MRPS27: variants seen among roughly 807,000 people sequenced by gnomAD.
MRPS27 encodes small ribosomal subunit protein mS27.
In MRPS27, 43 loss-of-function variants were observed where a neutral mutation model predicts 48.9. The ratio of observed to expected loss-of-function variants is 0.88; its 90% CI spans 0.69 to 1.13. The LOEUF is 1.13. Ranked by LOEUF, MRPS27 falls within the 50% of genes most tolerant of loss-of-function variation. The pLI is 0.00. For missense variants in MRPS27, 467 were observed against 476.3 expected, an observed-to-expected ratio of 0.98 and a Z score of 0.18; for synonymous variants, 188 against 171.9, an observed-to-expected ratio of 1.09 and a Z score of -0.73.
intron 2 of MRPS27, among the ~76,000 whole-genome samples, chr5:72,298,272 A>G (rs2112066936): frequency 6.6e-6 from 1 of 152,288 alleles, no homozygotes; most frequent in African/African-American, 2.4e-5. Flanking sequence ...CCAACATAGG[A>G]AAAAAATGCT....
chr5:72,242,307 T>C (rs1748372683), intron 4 of MRPS27, among the ~76,000 whole-genome samples: 1 of 151,674 alleles, frequency 6.6e-6, no homozygotes, highest in African/African-American at 2.4e-5. Flanking sequence ...TCAAGACTGA[T>C]GTTACCAGGA....
In MRPS27 at chr5:72,226,174, T is replaced by C. The variant is rs375891384; in HGVS notation, c.720A>G (p.Leu240=). 1 of 1,613,668 alleles carries C rather than the reference T, an allele frequency of 6.2e-7. No homozygotes were observed. Among genetic ancestry groups the C allele is most frequent in the Non-Finnish European group, 8.5e-7 (1 of 1,179,786 alleles). The change falls in exon 9 of 11, where the codon CTA becomes CTG. Residue 240 remains leucine (L), a synonymous_variant. Coordinates refer to ENST00000261413, the MANE Select transcript of MRPS27 (RefSeq NM_015084.3). ...LLGKVELQQG[L]RAVYHNMPLI... ...GAGGCATGTTGTGGTACACAGCCCGTAGCCCTTGCTGCAACTCCACCTTCC... is the reference window on the plus strand; with the variant it reads ...GAGGCATGTTGTGGTACACAGCCCGCAGCCCTTGCTGCAACTCCACCTTCC...
chr5:72,242,665 T>TACACACACACAC (rs57589095), intron 4 of MRPS27, among the ~76,000 whole-genome samples: 1,552 of 134,238 alleles, frequency 0.012, 36 homozygotes, highest in African/African-American at 0.037. Flanking sequence ...AGACCCCGTC[T>TACACACACACAC]ACACACACAC....
intron 4 of MRPS27, among the ~76,000 whole-genome samples, chr5:72,243,039 G>A (rs983477497): frequency 2.6e-5 from 4 of 152,154 alleles, no homozygotes; most frequent in Non-Finnish European, 5.9e-5. Flanking sequence ...CTTTCCCTCC[G>A]CCCCAGTGAA....
intron 4 of MRPS27, among the ~76,000 whole-genome samples, chr5:72,274,280 A>C (rs1370265167): frequency 6.6e-6 from 1 of 152,164 alleles, no homozygotes; most frequent in Non-Finnish European, 1.5e-5. Context: ...CTTGAACCCA[A>C]GAGGCAGAGG....
chr5:72,317,509 A>G (rs1055577172), intron 1 of MRPS27, among the ~76,000 whole-genome samples: 1 of 151,540 alleles, frequency 6.6e-6, no homozygotes, highest in African/African-American at 2.4e-5. Flanking sequence ...CAGCCTCCTG[A>G]GTAGCTGGGA....
At chr5:72,223,916 G>C (rs1335075084) in intron 9 of MRPS27, 66 bp from the exon 10 acceptor site, 1 of 1,501,370 alleles carries the variant, frequency 6.7e-7, no homozygotes, top group African/African-American at 1.4e-5. Context: ...GTGAAGAAAG[G>C]CTAGAGAAGG....
At chr5:72,311,451 C>T (rs1025478217) in intron 2 of MRPS27, among the ~76,000 whole-genome samples, 3 of 152,134 alleles carry the variant, frequency 2.0e-5, no homozygotes, top group African/African-American at 7.2e-5. Flanking sequence ...AATTTAATCC[C>T]CAGTGTAACA....
At chr5:72,256,361 G>A (rs1011657106) in intron 4 of MRPS27, among the ~76,000 whole-genome samples, 6 of 152,120 alleles carry the variant, frequency 3.9e-5, no homozygotes, top group East Asian at 1.9e-4. Context: ...AAAAGAATGC[G>A]TAAAATAAAA....
At chr5:72,317,030 A>T (rs1750583109) in intron 1 of MRPS27, among the ~76,000 whole-genome samples, 1 of 141,076 alleles carries the variant, frequency 7.1e-6, no homozygotes, top group Admixed American at 7.1e-5. Flanking sequence ...ACTCCGTCTC[A>T]AAAAAAAAAA....
At chr5:72,299,179 A>G (rs559621719) in intron 2 of MRPS27, among the ~76,000 whole-genome samples, 2 of 152,262 alleles carry the variant, frequency 1.3e-5, no homozygotes, top group Admixed American at 1.3e-4. Flanking sequence ...TACCTGGATG[A>G]TGGAATCACT....
chr5:72,259,859 ATTGT>A (rs1418077227), intron 4 of MRPS27, among the ~76,000 whole-genome samples: 2 of 152,150 alleles, frequency 1.3e-5, no homozygotes, highest in East Asian at 3.9e-4. Context: ...GAAAATAGGT[ATTGT>A]TTAATTTTAA....
In MRPS27 at chr5:72,268,973, A is replaced by G. The variant is rs1053844844; in HGVS notation, c.281+26558T>C. Among the ~76,000 whole-genome samples the G allele has an allele frequency of 4.6e-5, 7 of 152,210 alleles. 1 individual carries two copies. Among genetic ancestry groups the G allele is most frequent in the Admixed American group, 1.3e-4 (2 of 15,282 alleles). On this transcript the variant is annotated intron_variant, in intron 4 of 10. Transcript: ENST00000261413. ...TCCACTTAAGGAAGCCCATTACTGA[A>G]TGATGTAAACTAGTCAGTTCTGGGG...
At chr5:72,307,867 T>C (rs577782330) in intron 2 of MRPS27, 2 of 152,276 alleles carry the variant, frequency 1.3e-5, no homozygotes, top group Non-Finnish European at 2.9e-5. Flanking sequence ...TATACTCCAA[T>C]AAAAAAGTAT....
intron 2 of MRPS27, among the ~76,000 whole-genome samples, chr5:72,312,724 G>A (rs1377907978): frequency 1.3e-5 from 2 of 151,136 alleles, no homozygotes; most frequent in Non-Finnish European, 2.9e-5. Context: ...GGGTTCAAGC[G>A]ATTCTCCTGC....
At chr5:72,269,309 C>A (rs764730733) in intron 4 of MRPS27, among the ~76,000 whole-genome samples, 3 of 152,126 alleles carry the variant, frequency 2.0e-5, no homozygotes, top group Admixed American at 1.3e-4. Context: ...TACCTGAGGT[C>A]CTGGTCACAT....
At chr5:72,257,764 T>C (rs1165359801) in intron 4 of MRPS27, among the ~76,000 whole-genome samples, 3 of 148,342 alleles carry the variant, frequency 2.0e-5, no homozygotes, top group Non-Finnish European at 4.5e-5. Context: ...GTACTGTTTA[T>C]CTACCCAAGG....
At chr5:72,267,041 A>G (rs1177661362) in intron 4 of MRPS27, among the ~76,000 whole-genome samples, 4 of 152,174 alleles carry the variant, frequency 2.6e-5, no homozygotes, top group African/African-American at 9.7e-5. Flanking sequence ...AAGTGCTTCA[A>G]CTTTTCCAGA....
intron 4 of MRPS27, among the ~76,000 whole-genome samples, chr5:72,267,737 A>AGT (rs1375122265): frequency 2.0e-5 from 3 of 152,216 alleles, no homozygotes; most frequent in Non-Finnish European, 4.4e-5. Context: ...AAATGCCTGC[A>AGT]GTCAAAATCA....
Sources: allele counts gnomAD v4.1 joint callset (sites outside exome capture counted in the v4.1 genomes callset), GRCh38; gene constraint gnomAD v4.1.1; transcripts MANE v1.5; gene names NCBI Gene and HGNC (gene_info 2026-07-23, HGNC 2026-07-21).